Variants in KIAA1671 observed in about 807,000 individuals in gnomAD.
The protein encoded by KIAA1671 is KIAA1671, also known as uncharacterized protein KIAA1671.
A neutral mutation model predicts 131.2 loss-of-function variants in KIAA1671; 52 were observed. The ratio of observed to expected loss-of-function variants is 0.40; its 90% confidence interval spans 0.32 to 0.50. The LOEUF is 0.50. Ranked by LOEUF, KIAA1671 falls within the 20% of genes least tolerant of loss-of-function variation. The pLI, the probability that KIAA1671 is intolerant of heterozygous loss-of-function variation, is 0.73. For missense variants in KIAA1671, 2,360 were observed against 2,364.2 expected (o/e 1.00, Z 0.04); for synonymous variants, 1,003 against 961.6 (o/e 1.04, Z -0.80).
At chr22:25,183,076 G>A (rs1459730285) in intron 10 of KIAA1671, among the ~76,000 whole-genome samples, 3 of 132,856 alleles carry the variant, frequency 2.3e-5, no homozygotes, top group African/African-American at 1.3e-4. Context: ...TTGCCCCCCT[G>A]TTTCAGACAT....
At chr22:25,181,539 C>T (rs553510844) in intron 9 of KIAA1671, among the ~76,000 whole-genome samples, 160 bp from the exon 10 acceptor site, 1 of 152,184 alleles carries the variant, frequency 6.6e-6, no homozygotes, top group African/African-American at 2.4e-5. Flanking sequence ...AGCATGAAAG[C>T]AGGCACCTTG....
At chr22:25,145,952 A>C (rs931682733) in intron 6 of KIAA1671, among the ~76,000 whole-genome samples, 1 of 152,092 alleles carries the variant, frequency 6.6e-6, no homozygotes, top group Admixed American at 6.5e-5. Context: ...AAAGAAAAAA[A>C]AAAAAAAACA....
At chr22:25,045,821 C>T (rs1443634384) in intron 5 of KIAA1671, among the ~76,000 whole-genome samples, 2 of 152,052 alleles carry the variant, frequency 1.3e-5, no homozygotes, top group Non-Finnish European at 2.9e-5. Flanking sequence ...GAACTCCTGG[C>T]CTCAAGCAGT....
At chr22:24,999,514 C>T (rs1464042003) in intron 1 of KIAA1671, among the ~76,000 whole-genome samples, 3 of 150,664 alleles carry the variant, frequency 2.0e-5, no homozygotes, top group African/African-American at 7.3e-5. Flanking sequence ...AGGCGTGAGC[C>T]ATTATGCCTG....
chr22:25,134,284 T>A (rs902342064), intron 6 of KIAA1671, among the ~76,000 whole-genome samples: 5 of 152,176 alleles, frequency 3.3e-5, no homozygotes, highest in African/African-American at 1.2e-4. Context: ...ATTCTTGTGT[T>A]TACCATGGGT....
At chr22:25,108,058 A>T (rs1931120546) in intron 6 of KIAA1671, among the ~76,000 whole-genome samples, 1 of 152,164 alleles carries the variant, frequency 6.6e-6, no homozygotes, top group Admixed American at 6.5e-5. Context: ...TTCAATATGT[A>T]TGTCATTAAC....
intron 4 of KIAA1671, 39 bp downstream of exon 4, chr22:25,032,735 C>T (rs1013019628): frequency 1.8e-5 from 24 of 1,360,822 alleles, no homozygotes; most frequent in South Asian, 1.3e-4. Context: ...CATTAACCAG[C>T]GGGCAGTTAT....
chr22:25,060,355 G>C (rs1045923896), intron 6 of KIAA1671: 2 of 152,116 alleles, frequency 1.3e-5, no homozygotes, highest in African/African-American at 2.4e-5. Context: ...GCTAATTTTT[G>C]TATTTTTAGT....
chr22:25,163,480 C>T (rs1234076469), intron 6 of KIAA1671, among the ~76,000 whole-genome samples: 1 of 134,666 alleles, frequency 7.4e-6, no homozygotes, highest in African/African-American at 2.7e-5. Flanking sequence ...CTCACACTGT[C>T]ACCCAGGCTG....
At chr22:25,066,346 A>G (rs1928475757) in intron 6 of KIAA1671, among the ~76,000 whole-genome samples, 1 of 152,018 alleles carries the variant, frequency 6.6e-6, no homozygotes, top group Non-Finnish European at 1.5e-5. Context: ...ACAGGGTCTT[A>G]TGATGTTGCC....
chr22:25,157,612 A>T (rs1179774282), intron 6 of KIAA1671, among the ~76,000 whole-genome samples: 1 of 152,170 alleles, frequency 6.6e-6, no homozygotes, highest in Non-Finnish European at 1.5e-5. Flanking sequence ...ATTCTGAGTT[A>T]AAAAGAACAT....
At chr22:25,106,031 AGTGATGGTG>A (rs1013634608) in intron 6 of KIAA1671, among the ~76,000 whole-genome samples, 5 of 152,220 alleles carry the variant, frequency 3.3e-5, no homozygotes, top group African/African-American at 4.8e-5. Context: ...AGTTAGCAGT[AGTGATGGTG>A]GTGATGGTGG....
chr22:25,187,780 G>C (rs913237961), intron 11 of KIAA1671, among the ~76,000 whole-genome samples: 1 of 152,170 alleles, frequency 6.6e-6, no homozygotes, highest in Non-Finnish European at 1.5e-5. Context: ...TTACAGGCAT[G>C]AGCTACCGTG....
intron 1 of KIAA1671, chr22:25,013,565 G>T (rs927378429): frequency 2.0e-5 from 3 of 152,180 alleles, no homozygotes; most frequent in Admixed American, 6.5e-5. Context: ...TTCCTGCAAT[G>T]CAATATGCAC....
chr22:24,995,292 T>A (rs1246219329), intron 1 of KIAA1671, among the ~76,000 whole-genome samples: 2 of 151,360 alleles, frequency 1.3e-5, no homozygotes, highest in African/African-American at 4.9e-5. Flanking sequence ...GACCTCGTGA[T>A]CTGCCCACCT....
intron 6 of KIAA1671, among the ~76,000 whole-genome samples, chr22:25,099,992 G>T (rs1404262337): frequency 6.6e-6 from 1 of 152,208 alleles, no homozygotes; most frequent in East Asian, 1.9e-4. Flanking sequence ...AGGAGAAGGT[G>T]GTGCAAGGGC....
chr22:24,958,642 C>T (rs1921846112), intron 1 of KIAA1671, among the ~76,000 whole-genome samples: 2 of 140,890 alleles, frequency 1.4e-5, no homozygotes, highest in African/African-American at 5.4e-5. Context: ...CAGAGCAAGA[C>T]TCTGTCTCTT....
chr22:25,047,150 T>TC (rs991645003), intron 5 of KIAA1671, among the ~76,000 whole-genome samples: 3 of 100,754 alleles, frequency 3.0e-5, no homozygotes, highest in South Asian at 7.1e-4. Context: ...TTTTTTCTTT[T>TC]CTTTTTTTTT....
chr22:25,186,818 G>A (rs1175733746), intron 11 of KIAA1671, among the ~76,000 whole-genome samples: 1 of 152,230 alleles, frequency 6.6e-6, no homozygotes, highest in African/African-American at 2.4e-5. Context: ...ATTAGAGAAA[G>A]ACAGGGCCAT....
Sources: gnomAD v4.1 joint callset for allele counts (sites outside exome capture counted in the v4.1 genomes callset) on GRCh38, gnomAD v4.1.1 for gene constraint, MANE v1.5 for transcripts, NCBI Gene and HGNC (gene_info 2026-07-23, HGNC 2026-07-21) for gene names.